SESTD1: variants seen among roughly 807,000 people sequenced by gnomAD.
SESTD1 encodes SEC14 and spectrin domain containing 1, also known as SEC14 domain and spectrin repeat-containing protein 1.
Under a neutral mutation model 101.7 loss-of-function variants are expected in SESTD1, and 43 were observed. That is an observed-to-expected ratio of 0.42 (90% CI 0.33 to 0.55). The LOEUF (loss-of-function observed/expected upper bound fraction) is 0.55. Ranked by LOEUF, SESTD1 falls within the 20% of genes least tolerant of loss-of-function variation. SESTD1 has a pLI of 0.07. For missense variants in SESTD1, 647 were observed against 815.1 expected, an observed-to-expected ratio of 0.79 and a Z score of 2.51; for synonymous variants, 283 against 286.8, an observed-to-expected ratio of 0.99 and a Z score of 0.13.
chr2:179,184,631 A>C (rs934380657), intron 2 of SESTD1, among the ~76,000 whole-genome samples: 2 of 152,166 alleles, frequency 1.3e-5, no homozygotes, highest in Non-Finnish European at 2.9e-5. Flanking sequence ...GGTTTGAAAA[A>C]ATTTTCTCTA....
chr2:179,203,116 G>A lies in SESTD1; in HGVS notation c.-25-11250C>T, dbSNP rs1315324859. Among the ~76,000 whole-genome samples, 2 of 134,686 alleles carry A rather than the reference G, an allele frequency of 1.5e-5. 1 individual carries two copies. Among genetic ancestry groups the A allele is most frequent in the Admixed American group, 1.4e-4 (2 of 13,896 alleles). The allele number at this position is 134,686 out of a possible 152,430, so 88.4% of individuals were successfully genotyped here. ...GAAACAATGAACAACTCTTCTGACA[G>A]ATGGTTAATCACAAACAACCTGCAG... is the stretch of plus-strand genomic sequence containing the variant. On this transcript the variant is annotated intron_variant, in intron 1 of 17. Transcript: ENST00000428443.
At chr2:179,174,333 T>C in intron 4 of SESTD1, 1 of 408,546 alleles carries the variant, frequency 2.4e-6, no homozygotes, top group South Asian at 1.9e-5. Context: ...TATTAATAAA[T>C]CCAAAAGCTG....
intron 1 of SESTD1, among the ~76,000 whole-genome samples, chr2:179,229,347 A>G (rs1482654720): frequency 6.6e-6 from 1 of 152,080 alleles, no homozygotes; most frequent in East Asian, 1.9e-4. Context: ...TATAGCTTGA[A>G]ACATCAGTTT....
At chr2:179,249,143 C>G (rs1025961864) in intron 1 of SESTD1, among the ~76,000 whole-genome samples, 1 of 137,724 alleles carries the variant, frequency 7.3e-6, no homozygotes. Flanking sequence ...TTTCACCAAT[C>G]TTTTCAGTAC....
At chr2:179,139,252 C>A (rs2045223590) in intron 9 of SESTD1, among the ~76,000 whole-genome samples, 3 of 152,166 alleles carry the variant, frequency 2.0e-5, no homozygotes, top group Admixed American at 6.5e-5. Flanking sequence ...CTTTAACCAT[C>A]ACCCCTGCAA....
chr2:179,156,122 G>GTGTATATACATATATATGTATATATA (rs2045625432), intron 5 of SESTD1, among the ~76,000 whole-genome samples: 1 of 147,312 alleles, frequency 6.8e-6, no homozygotes, highest in Non-Finnish European at 1.5e-5. Flanking sequence ...ATATATATAT[G>GTGTATATACATATATATGTATATATA]TGTGTATATA....
chr2:179,164,490 TAGAC>T (rs1343165657), intron 5 of SESTD1, among the ~76,000 whole-genome samples: 1 of 152,188 alleles, frequency 6.6e-6, no homozygotes. Context: ...ATCTTGTCAT[TAGAC>T]AGAATATAGA....
At chr2:179,145,225 G>C (rs913400881) in intron 8 of SESTD1, among the ~76,000 whole-genome samples, 3 of 152,002 alleles carry the variant, frequency 2.0e-5, no homozygotes, top group African/African-American at 7.2e-5. Flanking sequence ...TGTCACCCTT[G>C]ATTATTTTTC....
intron 2 of SESTD1, among the ~76,000 whole-genome samples, chr2:179,188,031 G>A (rs893713243): frequency 3.3e-5 from 5 of 152,054 alleles, no homozygotes; most frequent in African/African-American, 9.7e-5. Flanking sequence ...GATCATCGGG[G>A]AGAAAACAAA....
rs1280344098 is a variant in SESTD1 at position 179,143,614 on chromosome 2, T to G, written c.827A>C (p.Glu276Ala). The change falls in exon 9 of 18, where the codon GAG becomes GCG. Residue 276 changes from glutamate (E) to alanine (A), a missense_variant. Physicochemically the swap from Glu to Ala is moderately radical, Grantham distance 107. Around this residue, in one of 3 missense-constraint regions of SESTD1, gnomAD observed 476 missense variants for 562.6 expected, o/e 0.85. Transcript: ENST00000428443. ...TACCTGCATTACCTTCTGTTGAATCTCTTCTAACTGTGTGCGCTTGCTACG... is the reference window on the plus strand; with the variant it reads ...TACCTGCATTACCTTCTGTTGAATCGCTTCTAACTGTGTGCGCTTGCTACG... Reference protein sequence around the residue: ...RQRSKRTQLEEIQQKVMQVVN... With the variant: ...RQRSKRTQLEAIQQKVMQVVN... 6.2e-7 allele frequency: 1 copy of G among 1,613,804 alleles called. No homozygotes were observed. Among genetic ancestry groups the G allele is most frequent in the Non-Finnish European group, 8.5e-7 (1 of 1,179,872 alleles).
rs573351889 is a variant in SESTD1 at position 179,224,749 on chromosome 2, T to C, written c.-25-32883A>G. 6.6e-5 allele frequency among the ~76,000 whole-genome samples: 10 copies of C among 152,292 alleles called. No homozygotes were observed. The South Asian group carries it at 1.7e-3, about 25-fold the overall frequency. ...AACCTCCACAAAAACCCTACAGGAC[T>C]GGATTCAGGGATCCTCCATATTGTT... On this transcript the variant is annotated intron_variant, in intron 1 of 17. Transcript: ENST00000428443.
chr2:179,149,230 A>C, intron 7 of SESTD1, 67 bp downstream of exon 7: 2 of 1,108,808 alleles, frequency 1.8e-6, no homozygotes, highest in Non-Finnish European at 2.6e-6. Flanking sequence ...CATTAACAAT[A>C]GAGATATCTT....
chr2:179,190,191 A>G (rs2046300146), intron 2 of SESTD1, among the ~76,000 whole-genome samples: 1 of 152,214 alleles, frequency 6.6e-6, no homozygotes, highest in Non-Finnish European at 1.5e-5. Context: ...TGGTACTAGT[A>G]CAGAAACAGA....
At chr2:179,206,150 A>G (rs2046588094) in intron 1 of SESTD1, among the ~76,000 whole-genome samples, 1 of 135,474 alleles carries the variant, frequency 7.4e-6, no homozygotes, top group African/African-American at 2.9e-5. Flanking sequence ...CAAATAGGAG[A>G]CAGGACTAAC....
At chr2:179,241,969 G>A (rs973416650) in intron 1 of SESTD1, among the ~76,000 whole-genome samples, 1 of 151,658 alleles carries the variant, frequency 6.6e-6, no homozygotes, top group African/African-American at 2.4e-5. Flanking sequence ...AGGCCTAGAG[G>A]GAGCAATTGA....
At chr2:179,128,142 C>T (rs1438519190) in intron 10 of SESTD1, among the ~76,000 whole-genome samples, 1 of 152,188 alleles carries the variant, frequency 6.6e-6, no homozygotes. Context: ...TATATTTCAA[C>T]AAGCATCTCT....
intron 5 of SESTD1, among the ~76,000 whole-genome samples, chr2:179,165,533 T>G (rs1169350915): frequency 6.6e-6 from 1 of 152,138 alleles, no homozygotes; most frequent in Non-Finnish European, 1.5e-5. Flanking sequence ...CAGAGCAACA[T>G]TCCCTGCATG....
At chr2:179,154,956 T>C (rs13029576) in intron 5 of SESTD1, among the ~76,000 whole-genome samples, 18,766 of 152,172 alleles carry the variant, frequency 0.12, 1,276 homozygotes, top group South Asian at 0.24. Context: ...TAATCAATCA[T>C]ATCAGCAATC....
intron 1 of SESTD1, among the ~76,000 whole-genome samples, chr2:179,225,582 C>T (rs1029216564): frequency 6.6e-6 from 1 of 152,066 alleles, no homozygotes; most frequent in Non-Finnish European, 1.5e-5. Context: ...ATTTACTTCT[C>T]ACAATTCTGG....
Sources: gnomAD v4.1 joint callset for allele counts (sites outside exome capture counted in the v4.1 genomes callset) on GRCh38, gnomAD v4.1.1 for gene constraint, gnomAD v4.1.1 regional missense constraint, MANE v1.5 for transcripts, NCBI Gene and HGNC (gene_info 2026-07-23, HGNC 2026-07-21) for gene names.